The following PCDHA7 variants were observed in gnomAD, a reference collection of about 807,000 sequenced individuals.
The protein encoded by PCDHA7 is protocadherin alpha 7, also known as protocadherin alpha-7.
PCDHA7 carries 37 observed loss-of-function variants against 57.2 expected under a neutral mutation model. The ratio of observed to expected loss-of-function variants is 0.65; its 90% CI spans 0.50 to 0.85. The LOEUF (loss-of-function observed/expected upper bound fraction) is 0.85, where lower values mean the gene tolerates loss of function less well. Among genes scored for constraint, PCDHA7 ranks in the 40% least tolerant of loss-of-function variants. PCDHA7 has a pLI of 0.00. For synonymous variants in PCDHA7, 553 were observed against 558.8 expected (o/e 0.99, Z 0.15); for missense variants, 1,188 against 1,241.8 (o/e 0.96, Z 0.65).
At chr5:140,993,462 T>TCACACACA (rs3836747) in intron 3 of PCDHA7, among the ~76,000 whole-genome samples, 2,160 of 141,010 alleles carry the variant, frequency 0.015, 29 homozygotes, top group Admixed American at 0.024. Flanking sequence ...TCTTTCTTTC[T>TCACACACA]CACACACACA....
At chr5:140,871,783 G>C (rs1460496699) in intron 1 of PCDHA7, among the ~76,000 whole-genome samples, 3 of 152,196 alleles carry the variant, frequency 2.0e-5, no homozygotes, top group African/African-American at 7.2e-5. Flanking sequence ...GTAGTCACTT[G>C]AGTAGAAATA....
intron 1 of PCDHA7, chr5:140,858,475 GAAT>G (rs2045440906): frequency 2.0e-6 from 3 of 1,517,006 alleles, no homozygotes; most frequent in East Asian, 4.9e-5. Context: ...TGTGCTTTAT[GAAT>G]AATATTTTCT....
intron 1 of PCDHA7, chr5:140,882,846 C>T (rs1554175786): frequency 2.5e-6 from 4 of 1,614,188 alleles, no homozygotes; most frequent in Non-Finnish European, 3.4e-6. Context: ...TCTTCATTAT[C>T]ACTTGTACTG....
chr5:140,863,992 C>T (rs1554158598), intron 1 of PCDHA7: 3 of 152,876 alleles, frequency 2.0e-5, no homozygotes, highest in African/African-American at 7.3e-5. Context: ...CAGGGTGAAA[C>T]TCTGTCTTAA....
intron 1 of PCDHA7, chr5:140,875,557 G>C: frequency 5.6e-6 from 9 of 1,614,064 alleles, no homozygotes; most frequent in Non-Finnish European, 7.6e-6. Flanking sequence ...GGTGGGGAGC[G>C]GCCAGCTCCA....
At chr5:140,846,553 T>G (rs1374500814) in intron 1 of PCDHA7, among the ~76,000 whole-genome samples, 5 of 148,228 alleles carry the variant, frequency 3.4e-5, no homozygotes, top group Non-Finnish European at 7.5e-5. Context: ...TTTTTGTATT[T>G]TTAGTAGAGT....
At chr5:140,850,849 G>C (rs2150500367) in intron 1 of PCDHA7, 4 of 1,596,076 alleles carry the variant, frequency 2.5e-6, no homozygotes, top group South Asian at 2.2e-5. Context: ...TCTACAGAGC[G>C]AACGGGAGAA....
intron 1 of PCDHA7, among the ~76,000 whole-genome samples, chr5:140,962,051 T>C (rs1352018533): frequency 2.0e-5 from 3 of 151,838 alleles, no homozygotes; most frequent in Admixed American, 6.6e-5. Context: ...GCCTGGCTAA[T>C]TTTTTTGTAT....
chr5:140,970,625 A>C (rs534910839), intron 1 of PCDHA7, among the ~76,000 whole-genome samples: 1 of 152,316 alleles, frequency 6.6e-6, no homozygotes, highest in Non-Finnish European at 1.5e-5. Context: ...CAAAAGCCAA[A>C]ATTTTGTACC....
In PCDHA7 at chr5:140,927,525, T is replaced by G. The variant is rs782496581; in HGVS notation, c.2356-51424T>G. ...TTACAGCTCGGGACGGCGGGCTACC[T>G]GCCCGCTCAGGAGACGCACAAGTCA... On this transcript the variant is annotated intron_variant, in intron 1 of 3. Transcript: ENST00000525929. 3.1e-6 allele frequency: 5 copies of G among 1,614,088 alleles called. 1 individual carries two copies. In the South Asian group the frequency reaches 5.5e-5, roughly 18 times the overall value.
At chr5:140,919,614 T>C (rs1186816141) in intron 1 of PCDHA7, among the ~76,000 whole-genome samples, 1 of 152,212 alleles carries the variant, frequency 6.6e-6, no homozygotes, top group Non-Finnish European at 1.5e-5. Flanking sequence ...TTAAACTGTA[T>C]CTTTTGAGTT....
chr5:140,921,942 C>G (rs1025333030), intron 1 of PCDHA7, among the ~76,000 whole-genome samples: 3 of 151,730 alleles, frequency 2.0e-5, no homozygotes, highest in Non-Finnish European at 4.4e-5. Context: ...TAATTTTACA[C>G]TTGTAAAATC....
intron 1 of PCDHA7, among the ~76,000 whole-genome samples, chr5:140,914,765 T>A (rs2076829694): frequency 6.6e-6 from 1 of 152,080 alleles, no homozygotes. Flanking sequence ...TTACATGAGG[T>A]TTATGACTTA....
Position 141,012,272 on chromosome 5 carries a change from C to G in PCDHA7, c.*2335C>G, listed in dbSNP as rs186406635. On this transcript the variant is annotated 3_prime_UTR_variant, in exon 4 of 4. Transcript: ENST00000525929. ...TTACAGCTGTAAGGATAAAACACGTCATGTGGATTCATTTTGAATTGGTGC... is the reference window on the plus strand; with the variant it reads ...TTACAGCTGTAAGGATAAAACACGTGATGTGGATTCATTTTGAATTGGTGC... 3.3e-4 allele frequency: 51 copies of G among 153,858 alleles called. No individual in the cohort carries two copies. In the East Asian group the frequency reaches 6.6e-3, roughly 20 times the overall value. 9.5% of individuals were successfully genotyped at this position (153,858 alleles called of 1,614,324 possible). A position where few individuals can be genotyped will look rare whatever the true frequency, so the allele number is the denominator to read the frequency against.
rs1343566248 is a variant in PCDHA7 at position 140,835,480 on chromosome 5, G to A, written c.1097G>A (p.Gly366Asp). Residue 366 changes from glycine to aspartate, a missense_variant, in exon 1 of 4, where the codon GGT (glycine) becomes GAT (aspartate). This residue lies in a region of PCDHA7 where 892 missense variants were observed against 788.5 expected (regional missense o/e 1.13). Coordinates refer to ENST00000525929, the MANE Select transcript of PCDHA7 (RefSeq NM_018910.3). ...CCTATTCCAGAGGACGCCCAACCAG[G>A]TACCGTCATCACATTGATTAGCGTG... ...SLPIPEDAQP[G>D]TVITLISVFD... The A allele has an allele frequency of 6.2e-7, 1 of 1,613,772 alleles. No homozygotes were observed. The highest frequency in any genetic ancestry group is 8.5e-7 in the Non-Finnish European group (1 of 1,179,874).
At chr5:140,967,214 C>T (rs2096114688) in intron 1 of PCDHA7, 10 of 1,613,692 alleles carry the variant, frequency 6.2e-6, no homozygotes, top group Non-Finnish European at 8.5e-6. Context: ...GCGTTTCCCG[C>T]GGCCCAACTA....
At chr5:140,882,947 C>G in intron 1 of PCDHA7, 1 of 1,614,162 alleles carries the variant, frequency 6.2e-7, no homozygotes, top group Non-Finnish European at 8.5e-7. Context: ...TGGCACAGTT[C>G]AGCTGCTCAT....
intron 1 of PCDHA7, among the ~76,000 whole-genome samples, chr5:140,961,312 A>G (rs2095603612): frequency 6.6e-6 from 1 of 152,156 alleles, no homozygotes; most frequent in Non-Finnish European, 1.5e-5. Context: ...ATGATTTACC[A>G]GGCTCTGTTT....
At chr5:140,908,234 C>T (rs1262299431) in intron 1 of PCDHA7, among the ~76,000 whole-genome samples, 5 of 152,184 alleles carry the variant, frequency 3.3e-5, no homozygotes, top group Non-Finnish European at 7.3e-5. Context: ...CCTTAGTCTT[C>T]TCTTCCTCAT....
Sources: gnomAD v4.1 joint callset for allele counts (sites outside exome capture counted in the v4.1 genomes callset) on GRCh38, gnomAD v4.1.1 for gene constraint, gnomAD v4.1.1 regional missense constraint, MANE v1.5 for transcripts, NCBI Gene and HGNC (gene_info 2026-07-23, HGNC 2026-07-21) for gene names.